The following RAB3C variants were observed in gnomAD, a reference collection of about 807,000 sequenced individuals.
The protein encoded by RAB3C is RAB3C, member RAS oncogene family.
A neutral mutation model predicts 26.4 loss-of-function variants in RAB3C; 17 were observed. The ratio of observed to expected loss-of-function variants is 0.64; its 90% CI spans 0.44 to 0.97. The LOEUF is 0.97. Ranked by LOEUF, RAB3C falls within the 50% of genes least tolerant of loss-of-function variation. RAB3C has a pLI of 0.00. For synonymous variants in RAB3C, 91 were observed against 95.9 expected (o/e 0.95, Z 0.30); for missense variants, 242 against 281.9 (o/e 0.86, Z 1.01).
chr5:58,847,198 C>CTAAT (rs942220277), intron 4 of RAB3C: 12 of 152,204 alleles, frequency 7.9e-5, no homozygotes, highest in African/African-American at 2.9e-4. Flanking sequence ...GCTGAAAATA[C>CTAAT]TAATTCTGGA....
chr5:58,755,060 G>GA (rs1390201505), intron 3 of RAB3C, among the ~76,000 whole-genome samples: 1 of 152,146 alleles, frequency 6.6e-6, no homozygotes, highest in Admixed American at 6.5e-5. Context: ...TTATCAACCA[G>GA]AAATCATTCT....
intron 3 of RAB3C, among the ~76,000 whole-genome samples, chr5:58,804,466 C>A (rs141050640): frequency 3.3e-4 from 51 of 152,316 alleles, no homozygotes; most frequent in Middle Eastern, 6.8e-3. Context: ...CATGAGCAAG[C>A]CACTCAGGAC....
At chr5:58,718,516 C>G (rs1749221164) in intron 2 of RAB3C, among the ~76,000 whole-genome samples, 1 of 152,006 alleles carries the variant, frequency 6.6e-6, no homozygotes, top group Non-Finnish European at 1.5e-5. Flanking sequence ...AATAATAGGT[C>G]AGGTTTTATC....
intron 1 of RAB3C, among the ~76,000 whole-genome samples, chr5:58,596,928 T>G (rs1250708348): frequency 2.0e-4 from 19 of 95,394 alleles, no homozygotes; most frequent in Admixed American, 3.7e-4. Flanking sequence ...CATAATATAT[T>G]ATATATAAAT....
At chr5:58,790,553 C>T (rs1339023433) in intron 3 of RAB3C, among the ~76,000 whole-genome samples, 1 of 152,150 alleles carries the variant, frequency 6.6e-6, no homozygotes, top group Non-Finnish European at 1.5e-5. Context: ...GAAACAAGGA[C>T]CACTAGCCCT....
chr5:58,638,250 T>G (rs1747328465), intron 2 of RAB3C, among the ~76,000 whole-genome samples: 1 of 152,154 alleles, frequency 6.6e-6, no homozygotes, highest in Non-Finnish European at 1.5e-5. Context: ...ATTTTCCCTT[T>G]CATCTTTTGA....
intron 2 of RAB3C, among the ~76,000 whole-genome samples, chr5:58,714,907 G>A (rs1749136821): frequency 6.6e-6 from 1 of 151,872 alleles, no homozygotes; most frequent in Non-Finnish European, 1.5e-5. Flanking sequence ...AAATATAGTG[G>A]TTATTATAGA....
chr5:58,585,794 A>G (rs1745997783), intron 1 of RAB3C, among the ~76,000 whole-genome samples: 1 of 152,082 alleles, frequency 6.6e-6, no homozygotes, highest in South Asian at 2.1e-4. Context: ...ATTGTTTTTT[A>G]TAGTAACTAC....
chr5:58,829,462 G>T (rs1284710985), intron 4 of RAB3C, among the ~76,000 whole-genome samples: 1 of 152,088 alleles, frequency 6.6e-6, no homozygotes, highest in Non-Finnish European at 1.5e-5. Flanking sequence ...GATTTGTATT[G>T]CCTTGAAACC....
intron 3 of RAB3C, among the ~76,000 whole-genome samples, chr5:58,751,233 AT>A (rs1177479162): frequency 4.6e-5 from 7 of 152,230 alleles, no homozygotes; most frequent in Non-Finnish European, 1.0e-4. Flanking sequence ...AAAAATAAAG[AT>A]TTGAATCATA....
chr5:58,792,843 T>C (rs1268698733), intron 3 of RAB3C, among the ~76,000 whole-genome samples: 1 of 151,502 alleles, frequency 6.6e-6, no homozygotes, highest in Middle Eastern at 3.2e-3. Context: ...ATAAAAGATT[T>C]ATATATATAT....
intron 3 of RAB3C, chr5:58,823,164 A>T: frequency 2.8e-6 from 1 of 360,180 alleles, no homozygotes; most frequent in Non-Finnish European, 5.4e-6. Flanking sequence ...GAAGATGCTT[A>T]CAAGAAACGG....
intron 4 of RAB3C, among the ~76,000 whole-genome samples, chr5:58,839,954 C>T (rs1487925860): frequency 6.6e-6 from 1 of 150,956 alleles, no homozygotes; most frequent in Non-Finnish European, 1.5e-5. Flanking sequence ...TATTCCATTC[C>T]CTCCTGTCCT....
intron 2 of RAB3C, among the ~76,000 whole-genome samples, chr5:58,644,612 G>T (rs867295264): frequency 1.3e-5 from 2 of 152,178 alleles, no homozygotes; most frequent in Admixed American, 6.5e-5. Flanking sequence ...CAAGATTAAA[G>T]ATTAAGATTT....
chr5:58,657,511 C>G (rs1747808086), intron 2 of RAB3C, among the ~76,000 whole-genome samples: 1 of 152,082 alleles, frequency 6.6e-6, no homozygotes, highest in South Asian at 2.1e-4. Context: ...ACTTAGAGAG[C>G]AGCAGTACAA....
intron 3 of RAB3C, among the ~76,000 whole-genome samples, chr5:58,727,653 T>C (rs2111923282): frequency 6.6e-6 from 1 of 152,120 alleles, no homozygotes; most frequent in South Asian, 2.1e-4. Context: ...AGTGTTATGA[T>C]ATCTAGTTAA....
chr5:58,730,808 C>A (rs781458492), intron 3 of RAB3C, among the ~76,000 whole-genome samples: 4 of 152,076 alleles, frequency 2.6e-5, no homozygotes, highest in Non-Finnish European at 5.9e-5. Flanking sequence ...TTAGTCTGTT[C>A]TCAAACTGAT....
chr5:58,808,102 G>A (rs1442361860), intron 3 of RAB3C, among the ~76,000 whole-genome samples: 1 of 151,502 alleles, frequency 6.6e-6, no homozygotes, highest in Non-Finnish European at 1.5e-5. Flanking sequence ...GTGGGCGCCT[G>A]TAGTCCCAGT....
At chr5:58,837,543 T>C (rs1031388376) in intron 4 of RAB3C, among the ~76,000 whole-genome samples, 1 of 146,946 alleles carries the variant, frequency 6.8e-6, no homozygotes, top group Admixed American at 7.0e-5. Context: ...CTATTTCTTC[T>C]TGTTTCAGTC....
Sources: gnomAD v4.1 joint callset for allele counts (sites outside exome capture counted in the v4.1 genomes callset) on GRCh38, gnomAD v4.1.1 for gene constraint, MANE v1.5 for transcripts, NCBI Gene and HGNC (gene_info 2026-07-23, HGNC 2026-07-21) for gene names.